Variants in APPL1 observed in about 807,000 individuals in gnomAD.
APPL1 encodes DCC-interacting protein 13-alpha.
Under a neutral mutation model 106.8 loss-of-function variants are expected in APPL1, and 42 were observed. The observed-to-expected ratio is 0.39, with a 90% CI of 0.31 to 0.51. The LOEUF (loss-of-function observed/expected upper bound fraction) is 0.51, where lower values mean the gene tolerates loss of function less well. Ranked by LOEUF, APPL1 falls within the 20% of genes least tolerant of loss-of-function variation. The pLI is 0.75. For synonymous variants in APPL1, 263 were observed against 281.8 expected (o/e 0.93, Z 0.67); for missense variants, 769 against 858.2 (o/e 0.90, Z 1.30).
chr3:57,237,589 AGTATAGTATCT>A, intron 3 of APPL1, 38 bp downstream of exon 3: 1 of 1,424,568 alleles, frequency 7.0e-7, no homozygotes. Flanking sequence ...TAATTTTAAA[AGTATAGTATCT>A]GTATAGATAG....
intron 7 of APPL1, among the ~76,000 whole-genome samples, chr3:57,245,203 G>C (rs1425208876): frequency 6.6e-6 from 1 of 152,230 alleles, no homozygotes; most frequent in African/African-American, 2.4e-5. Flanking sequence ...AATATTCTTC[G>C]TACTTGAGGA....
At chr3:57,229,461 A>G (rs2060673812) in intron 1 of APPL1, among the ~76,000 whole-genome samples, 1 of 151,768 alleles carries the variant, frequency 6.6e-6, no homozygotes, top group Non-Finnish European at 1.5e-5. Context: ...TTAGTTTACA[A>G]CTTAAGAATT....
At chr3:57,262,646 A>G (rs1210106167) in intron 19 of APPL1, among the ~76,000 whole-genome samples, 4 of 151,686 alleles carry the variant, frequency 2.6e-5, no homozygotes, top group Admixed American at 6.6e-5. Context: ...TTGGCCTCCC[A>G]AAGTGCTGGG....
intron 9 of APPL1, 99 bp downstream of exon 9, chr3:57,247,576 AAT>A: frequency 1.3e-6 from 1 of 795,500 alleles, no homozygotes; most frequent in Non-Finnish European, 1.9e-6. Context: ...TTCCTGAGGG[AAT>A]ATTTTCCCTG....
At chr3:57,263,263 T>A (rs1264408047) in intron 19 of APPL1, among the ~76,000 whole-genome samples, 1 of 152,182 alleles carries the variant, frequency 6.6e-6, no homozygotes, top group Non-Finnish European at 1.5e-5. Context: ...TCCTTTGTAT[T>A]AGAAACAATC....
rs761473830 is a variant in APPL1 at position 57,269,689 on chromosome 3, C to T, written c.*2C>T. 1.9e-6 allele frequency: 3 copies of T among 1,613,344 alleles called. No homozygotes were observed. The African/African-American group carries it at 4.0e-5, about 22-fold the overall frequency. ...AAGAAGAGAGAATCAGAAGCATAAG[C>T]TTATACTTTTGGTAGATATTCCCCC... On this transcript the variant is annotated 3_prime_UTR_variant, in exon 22 of 22. Coordinates refer to ENST00000288266, the MANE Select transcript of APPL1 (RefSeq NM_012096.3).
At chr3:57,254,950 A>G (rs2060827215) in intron 13 of APPL1, among the ~76,000 whole-genome samples, 1 of 152,254 alleles carries the variant, frequency 6.6e-6, no homozygotes, top group African/African-American at 2.4e-5. Context: ...GATAGAGAAT[A>G]CAAAACTGAA....
In APPL1 at chr3:57,269,560, G is replaced by A. The variant is rs762717192; in HGVS notation, c.2003G>A (p.Arg668Gln). 5 of 1,613,688 alleles carry A rather than the reference G, an allele frequency of 3.1e-6. No homozygotes were observed. Among genetic ancestry groups the A allele is most frequent in the African/African-American group, 1.3e-5 (1 of 75,008 alleles). Residue 668 changes from arginine (R) to glutamine (Q), a missense_variant, in exon 22 of 22, where the codon CGG becomes CAG. Coordinates refer to ENST00000288266, the MANE Select transcript of APPL1 (RefSeq NM_012096.3). ...CACTAGGACTTGGAAGAACAAAGTC[G>A]GTTGATAGCTGCTTCCAGTAGACCA... is the stretch of plus-strand genomic sequence containing the variant. ...QIEKDLEEQSRLIAASSRPNQ... is the reference protein window; with the variant it reads ...QIEKDLEEQSQLIAASSRPNQ...
At chr3:57,238,280 T>G (rs1016470123) in intron 4 of APPL1, 164 bp downstream of exon 4, 1 of 527,558 alleles carries the variant, frequency 1.9e-6, no homozygotes, top group Non-Finnish European at 3.3e-6. Flanking sequence ...TTTCTTTACC[T>G]GATTAAACAT....
intron 19 of APPL1, among the ~76,000 whole-genome samples, chr3:57,266,621 C>T (rs776652177): frequency 6.6e-6 from 1 of 152,110 alleles, no homozygotes; most frequent in Non-Finnish European, 1.5e-5. Context: ...TTCAAAGAAA[C>T]CAACTTTTTG....
chr3:57,267,777 T>G lies in APPL1; in HGVS notation c.1878T>G (p.Ala626=), dbSNP rs768148778. ...CTGTTGGACTGGCAAAACAGATAGC[T>G]TTGCATGCTGAACTGGTAAGAATCC... ...CDSVGLAKQI[A]LHAELDRRAS... The change falls in exon 20 of 22, where the codon GCT becomes GCG. Residue 626 remains alanine (A), a synonymous_variant. Coordinates refer to ENST00000288266, the MANE Select transcript of APPL1 (RefSeq NM_012096.3). The G allele has an allele frequency of 1.2e-6, 2 of 1,613,728 alleles. No homozygotes were observed. The highest frequency in any genetic ancestry group is 1.7e-6 in the Non-Finnish European group (2 of 1,180,020).
intron 10 of APPL1, 84 bp downstream of exon 10, chr3:57,248,435 A>T: frequency 6.9e-7 from 1 of 1,443,618 alleles, no homozygotes; most frequent in Non-Finnish European, 9.3e-7. Context: ...GATGTCTGTC[A>T]TATTTTGATT....
chr3:57,261,173 A>C (rs917414022), intron 19 of APPL1, among the ~76,000 whole-genome samples: 1 of 151,858 alleles, frequency 6.6e-6, no homozygotes, highest in African/African-American at 2.4e-5. Context: ...CACGTGATCA[A>C]TTTTTTGGCT....
chr3:57,269,963 A>T lies in APPL1; in HGVS notation c.*276A>T, dbSNP rs1559516982. 1.7e-5 allele frequency: 4 copies of T among 234,296 alleles called. No homozygotes were observed. In the East Asian group the frequency reaches 2.6e-4, roughly 15 times the overall value. 14.5% of individuals were successfully genotyped at this position (234,296 alleles called of 1,614,324 possible). On this transcript the variant is annotated 3_prime_UTR_variant, in exon 22 of 22. Coordinates refer to ENST00000288266, the MANE Select transcript of APPL1 (RefSeq NM_012096.3). ...GCTGAGGAATTACATTTGCTCAAGA[A>T]TTTTTTCCGTCAAATTGTGAACTTT...
chr3:57,266,502 C>T (rs944173489), intron 19 of APPL1, among the ~76,000 whole-genome samples: 4 of 152,128 alleles, frequency 2.6e-5, no homozygotes, highest in African/African-American at 4.8e-5. Context: ...ATAGTAGCCA[C>T]GAATGATCCT....
rs879049579 is a variant in APPL1 at position 57,238,170 on chromosome 3, A to G, written c.285+54A>G. On this transcript the variant is annotated intron_variant, in intron 4 of 21. Transcript: ENST00000288266. ...AAATGGTCTTATAATTGAGTTACCC[A>G]GTTGCTTAGCTTTTATTTTATGAAT... is the stretch of plus-strand genomic sequence containing the variant. The G allele has an allele frequency of 3.0e-6, 4 of 1,328,492 alleles. No homozygotes were observed. In the South Asian group the frequency reaches 5.3e-5, roughly 18 times the overall value. The allele number at this position is 1,328,492 out of a possible 1,614,324, so 82.3% of individuals were successfully genotyped here. A position where few individuals can be genotyped will look rare whatever the true frequency, so the allele number is the denominator to read the frequency against.
intron 5 of APPL1, among the ~76,000 whole-genome samples, chr3:57,241,180 A>G (rs533929752): frequency 2.6e-5 from 4 of 152,304 alleles, no homozygotes; most frequent in Non-Finnish European, 2.9e-5. Context: ...GGAATAGAGT[A>G]GCCTTGTTAT....
At chr3:57,230,703 A>G (rs899519656) in intron 1 of APPL1, 16 of 427,100 alleles carry the variant, frequency 3.7e-5, no homozygotes, top group African/African-American at 1.7e-4. Flanking sequence ...AGTTTGAACT[A>G]TTTTATCTAG....
rs762910311 is a variant in APPL1 at position 57,260,107 on chromosome 3, A to G, written c.1659-10A>G. On this transcript the variant is annotated splice_polypyrimidine_tract_variant and intron_variant, in intron 17 of 21. Transcript: ENST00000288266. ...AAATTTGTTTTCCAATTTTTAAATT[A>G]TTATTTTAGGTTAATTGATCCACAG... 6.2e-7 allele frequency: 1 copy of G among 1,606,846 alleles called. No homozygotes were observed. Among genetic ancestry groups the G allele is most frequent in the Admixed American group, 1.7e-5 (1 of 57,838 alleles).
Sources: gnomAD v4.1 joint callset for allele counts (sites outside exome capture counted in the v4.1 genomes callset) on GRCh38, gnomAD v4.1.1 for gene constraint, MANE v1.5 for transcripts, NCBI Gene and HGNC (gene_info 2026-07-23, HGNC 2026-07-21) for gene names.